Variants in KLHL29 observed in about 807,000 individuals in gnomAD.
The protein encoded by KLHL29 is kelch-like protein 29.
KLHL29 carries 21 observed loss-of-function variants against 80.4 expected under a neutral mutation model. The ratio of observed to expected loss-of-function variants is 0.26; its 90% CI spans 0.19 to 0.38. The LOEUF is 0.38. Ranked by LOEUF, KLHL29 falls within the 10% of genes least tolerant of loss-of-function variation. The probability of loss-of-function intolerance (pLI) is 1.00; values close to 1 mark genes in which losing one functional copy is unlikely to be tolerated. For missense variants in KLHL29, 867 were observed against 1,223.9 expected, an observed-to-expected ratio of 0.71 and a Z score of 4.35; for synonymous variants, 511 against 526.8, an observed-to-expected ratio of 0.97 and a Z score of 0.41.
At chr2:23,618,742 C>T (rs2149142069) in intron 3 of KLHL29, among the ~76,000 whole-genome samples, 1 of 152,288 alleles carries the variant, frequency 6.6e-6, no homozygotes, top group Non-Finnish European at 1.5e-5. Context: ...TTCCGTTTCT[C>T]TGGAGAACCC....
intron 3 of KLHL29, among the ~76,000 whole-genome samples, chr2:23,579,368 G>A (rs1667924288): frequency 6.6e-6 from 1 of 152,126 alleles, no homozygotes; most frequent in African/African-American, 2.4e-5. Flanking sequence ...TCTGCCCTTA[G>A]GTATCTGCCA....
At position 23,707,614 on chromosome 2, in the gene KLHL29, C is replaced by T. The variant is rs1672811374; in HGVS notation, c.*950C>T. The T allele has an allele frequency of 6.6e-6, 1 of 152,254 alleles. No homozygotes were observed. 9.4% of individuals were successfully genotyped at this position (152,254 alleles called of 1,614,324 possible). ...AAAGCTGTGCCCAAGGAAGAAGAGT[C>T]TGCTCTAGAAGGAGCCCGGTTCTGG... On this transcript the variant is annotated 3_prime_UTR_variant, in exon 14 of 14. Transcript: ENST00000486442.
At chr2:23,405,582 T>TGATG (rs1232032115) in intron 1 of KLHL29, among the ~76,000 whole-genome samples, 1 of 152,224 alleles carries the variant, frequency 6.6e-6, no homozygotes, top group Admixed American at 6.5e-5. Context: ...CAGATCCTGC[T>TGATG]GATGACATTG....
chr2:23,411,527 G>C (rs1666859078), intron 1 of KLHL29, among the ~76,000 whole-genome samples: 1 of 151,844 alleles, frequency 6.6e-6, no homozygotes, highest in South Asian at 2.1e-4. Flanking sequence ...TCCAAATAAG[G>C]CAGGACCTCG....
At chr2:23,658,377 A>T (rs1670304829) in intron 5 of KLHL29, among the ~76,000 whole-genome samples, 1 of 152,126 alleles carries the variant, frequency 6.6e-6, no homozygotes, top group Non-Finnish European at 1.5e-5. Context: ...CAGGGTGACA[A>T]GATCTGGCCT....
rs1671873389 is a variant in KLHL29 at position 23,695,197 on chromosome 2, C to T, written c.1543-426C>T. On this transcript the variant is annotated intron_variant, in intron 8 of 13. Coordinates refer to ENST00000486442, the MANE Select transcript of KLHL29 (RefSeq NM_052920.2). This position sits in a 1 kb window ranked among gnomAD's most constrained non-coding sequence, Gnocchi z 7.6. ...CTCAATAGTCGCCATCTCCTTGAAG[C>T]TTTCCTGGGTCCTCCCACCTGTTCC... is the stretch of plus-strand genomic sequence containing the variant. Among the ~76,000 whole-genome samples, 1 of 152,140 alleles carries T rather than the reference C, an allele frequency of 6.6e-6. No individual in the cohort carries two copies. The highest frequency in any genetic ancestry group is 2.4e-5 in the African/African-American group (1 of 41,410).
intron 2 of KLHL29, among the ~76,000 whole-genome samples, chr2:23,536,651 C>T (rs545763261): frequency 7.0e-4 from 107 of 152,294 alleles, no homozygotes; most frequent in African/African-American, 2.4e-3. Context: ...TAAAATACTG[C>T]TGGATTCTTG....
At chr2:23,485,462 T>A (rs1450922441) in intron 2 of KLHL29, among the ~76,000 whole-genome samples, 1 of 152,162 alleles carries the variant, frequency 6.6e-6, no homozygotes, top group African/African-American at 2.4e-5. Flanking sequence ...GACCCTGCTC[T>A]CCCAAGGCCA....
intron 6 of KLHL29, among the ~76,000 whole-genome samples, chr2:23,687,908 TC>T (rs1671346386): frequency 6.6e-6 from 1 of 151,568 alleles, no homozygotes; most frequent in Non-Finnish European, 1.5e-5. Context: ...AAGATGACAG[TC>T]AGACCATGAG....
chr2:23,682,235 G>T lies in KLHL29; in HGVS notation c.941-2164G>T, dbSNP rs1671106034. ...TCCCTCGGAAAGACCGTCACCATCA[G>T]CAGCACTGCACACTCCCACCCGCTG... On this transcript the variant is annotated intron_variant, in intron 5 of 13. Coordinates refer to ENST00000486442, the MANE Select transcript of KLHL29 (RefSeq NM_052920.2). The surrounding 1 kb of genome is among the most constrained non-coding windows in gnomAD (Gnocchi z 4.1). Among the ~76,000 whole-genome samples, 1 of 152,132 alleles carries T rather than the reference G, an allele frequency of 6.6e-6. No individual in the cohort carries two copies. The highest frequency in any genetic ancestry group is 6.5e-5 in the Admixed American group (1 of 15,270).
At chr2:23,569,629 G>A (rs776804488) in intron 3 of KLHL29, among the ~76,000 whole-genome samples, 59 of 152,242 alleles carry the variant, frequency 3.9e-4, no homozygotes, top group Non-Finnish European at 6.6e-4. Flanking sequence ...TTTTTATAGG[G>A]AAAGTATGTT....
intron 1 of KLHL29, among the ~76,000 whole-genome samples, chr2:23,449,873 T>A (rs1056659135): frequency 6.6e-6 from 1 of 152,132 alleles, no homozygotes; most frequent in Non-Finnish European, 1.5e-5. Flanking sequence ...AAATCTAATA[T>A]GGAATTCAGC....
intron 2 of KLHL29, among the ~76,000 whole-genome samples, chr2:23,485,375 A>G (rs941462816): frequency 6.6e-6 from 1 of 152,196 alleles, no homozygotes; most frequent in African/African-American, 2.4e-5. Context: ...ACCTGTCTAA[A>G]TTGTGTGTGA....
chr2:23,562,142 G>C lies in KLHL29; in HGVS notation c.-45-10G>C. The C allele has an allele frequency of 6.5e-7, 1 of 1,545,376 alleles. No homozygotes were observed. ...CCTAAATCACCCTTCTCTCCACCCT[G>C]TCACCACAGGTCCGGGCTCTGTTTC... is the stretch of plus-strand genomic sequence containing the variant. On this transcript the variant is annotated splice_polypyrimidine_tract_variant and intron_variant, in intron 2 of 13. Coordinates refer to ENST00000486442, the MANE Select transcript of KLHL29 (RefSeq NM_052920.2). This position sits in a 1 kb window ranked among gnomAD's most constrained non-coding sequence, Gnocchi z 4.5.
intron 3 of KLHL29, among the ~76,000 whole-genome samples, chr2:23,598,602 A>AGTTCCTCCAAG (rs1668488079): frequency 6.6e-6 from 1 of 152,184 alleles, no homozygotes; most frequent in Non-Finnish European, 1.5e-5. Flanking sequence ...CCAAGGACTG[A>AGTTCCTCCAAG]TCACAAGTTC....
rs557698444 is a variant in KLHL29 at position 23,562,643 on chromosome 2, G to A, written c.285+162G>A. Among the ~76,000 whole-genome samples the A allele has an allele frequency of 2.1e-4, 32 of 152,286 alleles. No homozygotes were observed. Among genetic ancestry groups the A allele is most frequent in the African/African-American group, 7.0e-4 (29 of 41,580 alleles). ...GGACCTGGGCCTGGAAACTGTTTGC[G>A]AGCATTCATGCGGGTTTTATTATCC... On this transcript the variant is annotated intron_variant, in intron 3 of 13. Coordinates refer to ENST00000486442, the MANE Select transcript of KLHL29 (RefSeq NM_052920.2). This position sits in a 1 kb window ranked among gnomAD's most constrained non-coding sequence, Gnocchi z 4.5.
chr2:23,551,515 G>T (rs1339042431), intron 2 of KLHL29, among the ~76,000 whole-genome samples: 1 of 152,202 alleles, frequency 6.6e-6, no homozygotes, highest in Non-Finnish European at 1.5e-5. Context: ...AAGAAATGGT[G>T]CCCAGAAATG....
intron 3 of KLHL29, among the ~76,000 whole-genome samples, chr2:23,629,117 C>T (rs753996811): frequency 2.0e-5 from 3 of 152,204 alleles, no homozygotes; most frequent in African/African-American, 4.8e-5. Flanking sequence ...ACAAGGAACG[C>T]GGCTGTTGGG....
intron 2 of KLHL29, among the ~76,000 whole-genome samples, chr2:23,486,044 C>CCTGCAGCCTTCGCTTGCTGAATG: frequency 6.6e-6 from 1 of 152,290 alleles, no homozygotes; most frequent in East Asian, 1.9e-4. Context: ...TGTCAGTCAT[C>CCTGCAGCCTTCGCTTGCTGAATG]CTGCAGCCTT....
Sources: allele counts gnomAD v4.1 joint callset (sites outside exome capture counted in the v4.1 genomes callset), GRCh38; gene constraint gnomAD v4.1.1; non-coding constraint Gnocchi (gnomAD v3.1); transcripts MANE v1.5; gene names NCBI Gene and HGNC (gene_info 2026-07-23, HGNC 2026-07-21).